CCSER1: variants seen among roughly 807,000 people sequenced by gnomAD.
CCSER1 encodes serine-rich coiled-coil domain-containing protein 1.
CCSER1 carries 41 observed loss-of-function variants against 82.0 expected under a neutral mutation model. The observed-to-expected ratio is 0.50, with a 90% CI of 0.39 to 0.65. The LOEUF (loss-of-function observed/expected upper bound fraction) is 0.65, where lower values mean the gene tolerates loss of function less well. Among genes scored for constraint, CCSER1 ranks in the 30% least tolerant of loss-of-function variants. The probability of loss-of-function intolerance (pLI) is 0.00; values close to 1 mark genes in which losing one functional copy is unlikely to be tolerated. For missense variants in CCSER1, 1,119 were observed against 1,064.2 expected (o/e 1.05, Z -0.72); for synonymous variants, 414 against 383.9 (o/e 1.08, Z -0.92).
Position 90,854,714 on chromosome 4 carries a change from A to G in CCSER1, c.2094+38869A>G, listed in dbSNP as rs1764265453. The stretch of plus-strand genomic sequence containing the variant: ...CTCTTTTTTTCCTAGCCTGAAGAAG[A>G]GTACTCAGAACTTTTTTTTTTAATT... On this transcript the variant is annotated intron_variant, in intron 8 of 10. Coordinates refer to ENST00000509176, the MANE Select transcript of CCSER1 (RefSeq NM_001145065.2). 2.0e-5 allele frequency among the ~76,000 whole-genome samples: 3 copies of G among 151,200 alleles called. No individual in the cohort carries two copies. In the Admixed American group the frequency reaches 2.0e-4, roughly 10 times the overall value.
Position 90,271,846 on chromosome 4 carries a change from ATATATATATATATATATTTTTTTTTT to A in CCSER1, c.-41-36396_-41-36371del, listed in dbSNP as rs1269105910. Reference sequence around the variant, plus strand: ...ACAATTTATATATATATATATATATATATATATATATATATATTTTTTTTTTTTTTTTTTTTTTTTTTTTAAAAGGA... The same window carrying A: ...ACAATTTATATATATATATATATATATTTTTTTTTTTTTTTTTTAAAAGGA... On this transcript the variant is annotated intron_variant, in intron 1 of 10. Transcript: ENST00000509176. Among the ~76,000 whole-genome samples the A allele has an allele frequency of 3.1e-3, 77 of 24,832 alleles. 5 individuals are homozygous for A. Among genetic ancestry groups the A allele is most frequent in the African/African-American group, 0.02 (75 of 3,808 alleles). The allele number at this position is 24,832 out of a possible 152,430, so 16.3% of individuals were successfully genotyped here.
intron 7 of CCSER1, among the ~76,000 whole-genome samples, chr4:90,789,305 G>T (rs967097073): frequency 1.3e-5 from 2 of 151,904 alleles, no homozygotes. Context: ...TCTTAAATTT[G>T]TTTGCTCCCA....
chr4:90,326,166 C>T (rs992216557), intron 3 of CCSER1, among the ~76,000 whole-genome samples: 1 of 148,016 alleles, frequency 6.8e-6, no homozygotes, highest in Non-Finnish European at 1.5e-5. Context: ...TCAGGCCATT[C>T]TCCTGCCTCA....
At chr4:90,785,889 C>T (rs1754445539) in intron 7 of CCSER1, among the ~76,000 whole-genome samples, 1 of 152,056 alleles carries the variant, frequency 6.6e-6, no homozygotes, top group South Asian at 2.1e-4. Flanking sequence ...TCTGCAATTG[C>T]TTGTTATTTA....
chr4:90,378,268 T>A lies in CCSER1; in HGVS notation c.1510-21768T>A, dbSNP rs558024681. ...ATACCTGTCTTGGAAACTGCAATAA[T>A]TAATAACCTGTACTTGTAAAATACT... is the stretch of plus-strand genomic sequence containing the variant. On this transcript the variant is annotated intron_variant, in intron 3 of 10. Coordinates refer to ENST00000509176, the MANE Select transcript of CCSER1 (RefSeq NM_001145065.2). 3.3e-5 allele frequency among the ~76,000 whole-genome samples: 5 copies of A among 152,282 alleles called. No homozygotes were observed. In the South Asian group the frequency reaches 1.0e-3, roughly 32 times the overall value.
At chr4:90,968,243 A>T (rs1443581967) in intron 9 of CCSER1, among the ~76,000 whole-genome samples, 2 of 152,110 alleles carry the variant, frequency 1.3e-5, no homozygotes, top group Non-Finnish European at 2.9e-5. Flanking sequence ...GAACCAAAAT[A>T]GTATGTCGAA....
At chr4:90,138,480 G>C (rs1375195090) in intron 1 of CCSER1, among the ~76,000 whole-genome samples, 1 of 152,126 alleles carries the variant, frequency 6.6e-6, no homozygotes. Flanking sequence ...CTGAAAATTT[G>C]TTCTTAATTT....
At chr4:90,566,235 G>C (rs1779361780) in intron 5 of CCSER1, among the ~76,000 whole-genome samples, 1 of 151,986 alleles carries the variant, frequency 6.6e-6, no homozygotes, top group Non-Finnish European at 1.5e-5. Context: ...CTGTCCATCA[G>C]AGATATTGGT....
rs563042772 is a variant in CCSER1, at chr4:90,729,952, C to T, written c.2010+5961C>T. Among the ~76,000 whole-genome samples, 21 of 152,238 alleles carry T rather than the reference C, an allele frequency of 1.4e-4. 1 individual carries two copies. The South Asian group carries it at 4.4e-3, about 32-fold the overall frequency. On this transcript the variant is annotated intron_variant, in intron 7 of 10. Transcript: ENST00000509176. ...TCTTTTTATCAGGCATACACCATAG[C>T]AACTTTTTCTTTTGTTATCCAAACC... is the stretch of plus-strand genomic sequence containing the variant.
intron 10 of CCSER1, among the ~76,000 whole-genome samples, chr4:91,213,881 A>G (rs910522303): frequency 6.6e-6 from 1 of 152,090 alleles, no homozygotes; most frequent in African/African-American, 2.4e-5. Flanking sequence ...TCTTCCATGG[A>G]AAAGCCCTAA....
chr4:91,178,321 T>C (rs1043507469), intron 10 of CCSER1, among the ~76,000 whole-genome samples: 9 of 152,158 alleles, frequency 5.9e-5, no homozygotes, highest in Non-Finnish European at 1.2e-4. Flanking sequence ...TAGATGTCTA[T>C]TAGGTCTGCT....
intron 8 of CCSER1, among the ~76,000 whole-genome samples, chr4:90,875,033 G>A (rs763170430): frequency 6.6e-6 from 1 of 152,018 alleles, no homozygotes; most frequent in African/African-American, 2.4e-5. Flanking sequence ...GCTACAGAGC[G>A]AGACTCCATC....
chr4:90,308,869 T>C lies in CCSER1; in HGVS notation c.585T>C (p.Val195=), dbSNP rs1017686730. Reference sequence around the variant, plus strand: ...CTCACTATAAATTTTCTAAGCCAGTTCTACAGAGCCAATCCATTTCATTGG... The same window carrying C: ...CTCACTATAAATTTTCTAAGCCAGTCCTACAGAGCCAATCCATTTCATTGG... ...FSSHYKFSKP[V]LQSQSISLVQ... Residue 195 remains valine (V), a synonymous_variant, in exon 2 of 11, where the codon GTT becomes GTC. Coordinates refer to ENST00000509176, the MANE Select transcript of CCSER1 (RefSeq NM_001145065.2). 6.2e-6 allele frequency: 10 copies of C among 1,613,774 alleles called. No individual in the cohort carries two copies. The highest frequency in any genetic ancestry group is 7.6e-6 in the Non-Finnish European group (9 of 1,179,850).
At chr4:91,091,571 A>C (rs1262933736) in intron 10 of CCSER1, among the ~76,000 whole-genome samples, 1 of 152,180 alleles carries the variant, frequency 6.6e-6, no homozygotes, top group Non-Finnish European at 1.5e-5. Flanking sequence ...TATTTTCCTC[A>C]TGCTTCAGCC....
At chr4:90,615,265 C>T (rs1720966431) in intron 5 of CCSER1, among the ~76,000 whole-genome samples, 1 of 152,178 alleles carries the variant, frequency 6.6e-6, no homozygotes. Context: ...TCTAACAGAA[C>T]ATCCATTCTG....
chr4:90,957,265 C>A (rs1299439621), intron 9 of CCSER1, among the ~76,000 whole-genome samples: 3 of 144,486 alleles, frequency 2.1e-5, no homozygotes, highest in African/African-American at 7.6e-5. Flanking sequence ...CCACGTCCAG[C>A]TAATTTTTTT....
chr4:90,403,200 A>G lies in CCSER1; in HGVS notation c.1603+3071A>G, dbSNP rs188719148. Among the ~76,000 whole-genome samples the G allele has an allele frequency of 4.1e-4, 62 of 152,308 alleles. 1 individual carries two copies. Among genetic ancestry groups the G allele is most frequent in the Non-Finnish European group, 4.3e-4 (29 of 68,038 alleles). ...TTTATTTTATTTATTAAGCAACATAATTAAAGACCTCAGATTAGGCCGGGC... is the reference window on the plus strand; with the variant it reads ...TTTATTTTATTTATTAAGCAACATAGTTAAAGACCTCAGATTAGGCCGGGC... On this transcript the variant is annotated intron_variant, in intron 4 of 10. Coordinates refer to ENST00000509176, the MANE Select transcript of CCSER1 (RefSeq NM_001145065.2).
chr4:90,181,324 A>G (rs1447531955), intron 1 of CCSER1, among the ~76,000 whole-genome samples: 1 of 152,210 alleles, frequency 6.6e-6, no homozygotes. Context: ...TTTGTTGTCA[A>G]GGGAAAAATT....
At chr4:91,315,388 T>C (rs1426691231) in intron 10 of CCSER1, among the ~76,000 whole-genome samples, 2 of 151,968 alleles carry the variant, frequency 1.3e-5, no homozygotes, top group Non-Finnish European at 2.9e-5. Context: ...GCAGAGACAG[T>C]GCTGTATTTT....
Sources: allele counts gnomAD v4.1 joint callset (sites outside exome capture counted in the v4.1 genomes callset), GRCh38; gene constraint gnomAD v4.1.1; transcripts MANE v1.5; gene names NCBI Gene and HGNC (gene_info 2026-07-23, HGNC 2026-07-21).